The following BRD1 variants were observed in gnomAD, a reference collection of about 807,000 sequenced individuals.
BRD1 encodes bromodomain containing 1.
A neutral mutation model predicts 107.7 loss-of-function variants in BRD1; 24 were observed. That is an observed-to-expected ratio of 0.22 (90% CI 0.16 to 0.31). BRD1 has a LOEUF of 0.31. Ranked by LOEUF, BRD1 falls within the 10% of genes least tolerant of loss-of-function variation. BRD1 has a pLI of 1.00. For synonymous variants in BRD1, 744 were observed against 686.1 expected, an observed-to-expected ratio of 1.08 and a Z score of -1.32; for missense variants, 1,279 against 1,638.6, an observed-to-expected ratio of 0.78 and a Z score of 3.79.
intron 3 of BRD1, among the ~76,000 whole-genome samples, chr22:49,802,867 T>C (rs1048983172): frequency 6.6e-6 from 1 of 152,166 alleles, no homozygotes; most frequent in African/African-American, 2.4e-5. Flanking sequence ...GAACGGAAGA[T>C]GCGGTTAACT....
Position 49,776,107 on chromosome 22 carries a change from C to T in BRD1, c.3174G>A (p.Leu1058=). 1.2e-6 allele frequency: 2 copies of T among 1,604,982 alleles called. No individual in the cohort carries two copies. Among genetic ancestry groups the T allele is most frequent in the South Asian group, 2.2e-5 (2 of 90,864 alleles). ...TGGCCCACACCACCTTCAGAGGCTC[C>T]AGCACCGAGGCGGCGGCATCAGTGG... The part of the protein sequence containing the change: ...WISTDAAASV[L]EPLKVVWAKC... The change falls in exon 11 of 13, where the codon CTG becomes CTA. Residue 1058 remains leucine, a synonymous_variant. Coordinates refer to ENST00000404760, the MANE Select transcript of BRD1 (RefSeq NM_001304808.3).
chr22:49,778,663 T>C (rs972515506), intron 8 of BRD1, among the ~76,000 whole-genome samples: 10 of 148,152 alleles, frequency 6.7e-5, no homozygotes, highest in Non-Finnish European at 8.9e-5. Context: ...GGGTGTGTGA[T>C]TTTTTTTTTC....
intron 2 of BRD1, among the ~76,000 whole-genome samples, chr22:49,814,569 G>A (rs1205698500): frequency 6.6e-6 from 1 of 152,236 alleles, no homozygotes; most frequent in Non-Finnish European, 1.5e-5. Context: ...AGAGGACGCA[G>A]CCCCAGCAAC....
intron 2 of BRD1, among the ~76,000 whole-genome samples, chr22:49,822,163 C>T (rs2060079890): frequency 6.6e-6 from 1 of 152,224 alleles, no homozygotes; most frequent in African/African-American, 2.4e-5. Flanking sequence ...TGGTGGCTCA[C>T]GCCTATAGTC....
rs762230069 is a variant in BRD1, at chr22:49,823,105, C to T, written c.1213G>A (p.Glu405Lys). 8.1e-6 allele frequency: 13 copies of T among 1,614,060 alleles called. No individual in the cohort carries two copies. The African/African-American group carries it at 1.1e-4, about 13-fold the overall frequency. ...TTTCGACAGACGCCATTTTTCATTT[C>T]GACATCCCCGTAAATATTCAGAGGC... ...RRPLNIYGDV[E>K]MKNGVCRKES... is the part of the protein sequence containing the mutation. The change falls in exon 2 of 13, where the codon GAA (glutamate) becomes AAA (lysine). Residue 405 changes from glutamate to lysine, a missense_variant. This residue lies in a region of BRD1 where 158 missense variants were observed against 310.2 expected (regional missense o/e 0.51). Transcript: ENST00000404760.
Position 49,824,467 on chromosome 22 carries a change from T to C in BRD1, c.-14-136A>G. The C allele has an allele frequency of 6.9e-7, 1 of 1,447,392 alleles. No individual in the cohort carries two copies. The highest frequency in any genetic ancestry group is 9.0e-7 in the Non-Finnish European group (1 of 1,107,312). The allele number at this position is 1,447,392 out of a possible 1,614,324, so 89.7% of individuals were successfully genotyped here. A position where few individuals can be genotyped will look rare whatever the true frequency, so the allele number is the denominator to read the frequency against. ...AAGCAAAACTCACAGCTAACCTCTT[T>C]CCAAGGTGTCCAAAACCACACATCC... On this transcript the variant is annotated intron_variant, in intron 1 of 12. Transcript: ENST00000404760. The surrounding 1 kb of genome is among the most constrained non-coding windows in gnomAD (Gnocchi z 5.9).
chr22:49,774,508 C>T (rs772863558), intron 12 of BRD1, 92 bp from the exon 13 acceptor site: 79 of 1,382,826 alleles, frequency 5.7e-5, no homozygotes, highest in Non-Finnish European at 6.8e-5. Flanking sequence ...CACTGCCCTC[C>T]GATAGAAAGG....
chr22:49,814,396 C>T (rs1569131727), intron 2 of BRD1, among the ~76,000 whole-genome samples: 1 of 152,174 alleles, frequency 6.6e-6, no homozygotes, highest in Non-Finnish European at 1.5e-5. Context: ...TGAGACCAGC[C>T]GGCCAGAGCC....
intron 11 of BRD1, 82 bp from the exon 12 acceptor site, chr22:49,775,827 CTCCCCA>C (rs755179154): frequency 0.024 from 30,037 of 1,267,578 alleles, 687 homozygotes; most frequent in Non-Finnish European, 0.028. Flanking sequence ...CCCCCCCCGC[CTCCCCA>C]CCCCAGCTGT....
intron 2 of BRD1, among the ~76,000 whole-genome samples, chr22:49,821,982 C>T (rs867001292): frequency 3.9e-5 from 6 of 152,240 alleles, no homozygotes; most frequent in East Asian, 1.9e-4. Flanking sequence ...GGGCACAGCA[C>T]GGGAAACGGG....
intron 7 of BRD1, among the ~76,000 whole-genome samples, chr22:49,791,248 G>T (rs983404351): frequency 1.3e-5 from 2 of 152,204 alleles, no homozygotes; most frequent in African/African-American, 4.8e-5. Context: ...AGACTGAGTC[G>T]CGGCTACGGC....
intron 2 of BRD1, among the ~76,000 whole-genome samples, chr22:49,804,718 G>A (rs2059707137): frequency 6.6e-6 from 1 of 152,156 alleles, no homozygotes; most frequent in Non-Finnish European, 1.5e-5. Flanking sequence ...GAATGTGGAG[G>A]TACATGCGTG....
rs567478434 is a variant in BRD1, at chr22:49,777,732, C to T, written c.2939G>A (p.Arg980His). 8 of 1,607,222 alleles carry T rather than the reference C, an allele frequency of 5.0e-6. No homozygotes were observed. The highest frequency in any genetic ancestry group is 2.2e-5 in the East Asian group (1 of 44,722). ...GLGRKATPRR[R>H]CASESSISSS... ...GGAGATGCTGGACTCGGAGGCACAGCGTCGTCGGGGTGTGGCCTTCCTCCC... is the reference window on the plus strand; with the variant it reads ...GGAGATGCTGGACTCGGAGGCACAGTGTCGTCGGGGTGTGGCCTTCCTCCC... Residue 980 changes from arginine (R) to histidine (H), a missense_variant, in exon 9 of 13, where the codon CGC becomes CAC. This residue lies in a region of BRD1 where 263 missense variants were observed against 251.6 expected (regional missense o/e 1.05). Coordinates refer to ENST00000404760, the MANE Select transcript of BRD1 (RefSeq NM_001304808.3).
At chr22:49,784,825 G>A (rs984032604) in intron 8 of BRD1, among the ~76,000 whole-genome samples, 14 of 152,170 alleles carry the variant, frequency 9.2e-5, no homozygotes, top group African/African-American at 2.7e-4. Context: ...GCCCTTCCCC[G>A]GGCGCCTCGG....
At chr22:49,815,730 G>A (rs2059937628) in intron 2 of BRD1, among the ~76,000 whole-genome samples, 2 of 152,180 alleles carry the variant, frequency 1.3e-5, no homozygotes, top group South Asian at 4.1e-4. Flanking sequence ...GTCTGAAACG[G>A]CATTCAGGTC....
intron 2 of BRD1, among the ~76,000 whole-genome samples, chr22:49,819,855 C>T (rs548853696): frequency 3.3e-5 from 5 of 152,202 alleles, no homozygotes; most frequent in East Asian, 1.9e-4. Flanking sequence ...TTTAGCCTGG[C>T]GCAGTGGCTC....
Position 49,777,146 on chromosome 22 carries a change from T to C in BRD1, c.3009A>G (p.Lys1003=). The C allele has an allele frequency of 1.2e-6, 2 of 1,613,086 alleles. No homozygotes were observed. Among genetic ancestry groups the C allele is most frequent in the Non-Finnish European group, 1.7e-6 (2 of 1,179,942 alleles). ...CAAGAGCCGGTTTGCCCCGCCCACA[T>C]TTGGGCGCATTAAAGCTTCGGGAGG... ...PLCDSSFNAP[K]CGRGKPALVR... is the part of the protein sequence containing the mutation. Residue 1003 remains lysine, a synonymous_variant, in exon 10 of 13, where the codon AAA becomes AAG. Coordinates refer to ENST00000404760, the MANE Select transcript of BRD1 (RefSeq NM_001304808.3).
chr22:49,810,246 C>CGGT (rs2059825755), intron 2 of BRD1, among the ~76,000 whole-genome samples: 1 of 152,152 alleles, frequency 6.6e-6, no homozygotes, highest in African/African-American at 2.4e-5. Context: ...TGGCCAGACG[C>CGGT]GGTGACTCAC....
In BRD1 at chr22:49,783,718, C is replaced by A. The variant is rs1019288040; in HGVS notation, c.2857+3672G>T. Among the ~76,000 whole-genome samples, 6 of 141,128 alleles carry A rather than the reference C, an allele frequency of 4.3e-5. No homozygotes were observed. In the South Asian group the frequency reaches 1.3e-3, roughly 31 times the overall value. 92.6% of individuals were successfully genotyped at this position (141,128 alleles called of 152,430 possible). ...GCACCGGGCGCCAGCACCATTCCCA[C>A]TGCCGGGCTCTGACTTACAGAGGGG... On this transcript the variant is annotated intron_variant, in intron 8 of 12. Coordinates refer to ENST00000404760, the MANE Select transcript of BRD1 (RefSeq NM_001304808.3). This position sits in a 1 kb window ranked among gnomAD's most constrained non-coding sequence, Gnocchi z 4.2.
Sources: allele counts gnomAD v4.1 joint callset (sites outside exome capture counted in the v4.1 genomes callset), GRCh38; gene constraint gnomAD v4.1.1; regional missense constraint gnomAD v4.1.1; non-coding constraint Gnocchi (gnomAD v3.1); transcripts MANE v1.5; gene names NCBI Gene and HGNC (gene_info 2026-07-23, HGNC 2026-07-21).